SMYD3: variants seen among roughly 807,000 people sequenced by gnomAD.
The protein encoded by SMYD3 is SET and MYND domain containing 3, also known as histone-lysine N-methyltransferase SMYD3.
SMYD3 carries 36 observed loss-of-function variants against 57.7 expected under a neutral mutation model. The ratio of observed to expected loss-of-function variants is 0.62; its 90% CI spans 0.48 to 0.82. The LOEUF (loss-of-function observed/expected upper bound fraction) is 0.82. SMYD3 is among the 40% of genes least tolerant of loss of function. The probability of loss-of-function intolerance (pLI) is 0.00; values close to 1 mark genes in which losing one functional copy is unlikely to be tolerated. For missense variants in SMYD3, 515 were observed against 538.8 expected (o/e 0.96, Z 0.44); for synonymous variants, 211 against 195.0 (o/e 1.08, Z -0.68).
chr1:246,237,366 T>A (rs1428495041), intron 5 of SMYD3, among the ~76,000 whole-genome samples: 1 of 152,226 alleles, frequency 6.6e-6, no homozygotes, highest in African/African-American at 2.4e-5. Context: ...AAGATATTTT[T>A]ACTCACACTT....
intron 1 of SMYD3, among the ~76,000 whole-genome samples, chr1:246,367,700 G>C (rs2066129128): frequency 6.6e-6 from 1 of 152,102 alleles, no homozygotes; most frequent in African/African-American, 2.4e-5. Context: ...CCAAAGTGCT[G>C]AGATTACAGG....
intron 5 of SMYD3, among the ~76,000 whole-genome samples, chr1:246,308,016 C>T (rs1369554756): frequency 2.6e-5 from 4 of 152,182 alleles, no homozygotes; most frequent in East Asian, 3.9e-4. Context: ...CATTAAAGGC[C>T]AAATCAAATG....
At chr1:246,020,965 G>A (rs1558157272) in intron 5 of SMYD3, among the ~76,000 whole-genome samples, 2 of 152,114 alleles carry the variant, frequency 1.3e-5, no homozygotes, top group Non-Finnish European at 2.9e-5. Context: ...TGTTCATACA[G>A]CTCCCAGAAC....
intron 5 of SMYD3, among the ~76,000 whole-genome samples, chr1:246,205,706 G>A (rs2062989169): frequency 6.6e-6 from 1 of 151,776 alleles, no homozygotes; most frequent in African/African-American, 2.4e-5. Flanking sequence ...TGTAGTCCCA[G>A]CTACTCGGGA....
intron 1 of SMYD3, among the ~76,000 whole-genome samples, chr1:246,386,754 T>A (rs1022642955): frequency 6.6e-6 from 1 of 151,986 alleles, no homozygotes; most frequent in African/African-American, 2.4e-5. Flanking sequence ...ATAGACAATA[T>A]GACAATGAGA....
chr1:246,208,894 A>G (rs1431080252), intron 5 of SMYD3, among the ~76,000 whole-genome samples: 1 of 152,194 alleles, frequency 6.6e-6, no homozygotes. Flanking sequence ...CCACTCAAGC[A>G]TAATTCATTT....
At chr1:246,106,737 A>G (rs567966632) in intron 5 of SMYD3, among the ~76,000 whole-genome samples, 312 of 152,198 alleles carry the variant, frequency 2.0e-3, no homozygotes, top group Non-Finnish European at 3.2e-3. Context: ...CCTCTTCATC[A>G]ATGTTATCAG....
At position 246,089,884 on chromosome 1, in the gene SMYD3, C is replaced by CT. The variant is rs5782382; in HGVS notation, c.532-159948dup. Among the ~76,000 whole-genome samples the CT allele has an allele frequency of 1.1e-3, 157 of 143,890 alleles. 1 individual carries two copies. The highest frequency in any genetic ancestry group is 4.1e-3 in the East Asian group (19 of 4,688). The allele number at this position is 143,890 out of a possible 152,430, so 94.4% of individuals were successfully genotyped here. The stretch of plus-strand genomic sequence containing the variant: ...ACCTATGTCTGAAATTGGTAGTTTG[C>CT]TTTTTTTTTTTTTTTCTGGGGGAGG... On this transcript the variant is annotated intron_variant, in intron 5 of 11. Coordinates refer to ENST00000490107, the MANE Select transcript of SMYD3 (RefSeq NM_001167740.2).
chr1:246,295,267 A>G (rs2064771284), intron 5 of SMYD3, among the ~76,000 whole-genome samples: 1 of 152,164 alleles, frequency 6.6e-6, no homozygotes, highest in African/African-American at 2.4e-5. Flanking sequence ...AGTATCTCTT[A>G]CAGATCCCAC....
At chr1:246,344,374 G>A (rs1273884989) in intron 2 of SMYD3, among the ~76,000 whole-genome samples, 2 of 152,144 alleles carry the variant, frequency 1.3e-5, no homozygotes, top group African/African-American at 4.8e-5. Context: ...TTTTCATCTG[G>A]CTTCATTCCC....
intron 1 of SMYD3, among the ~76,000 whole-genome samples, chr1:246,414,487 AG>A (rs1406405261): frequency 6.6e-6 from 1 of 152,190 alleles, no homozygotes; most frequent in Non-Finnish European, 1.5e-5. Context: ...AGTTTCCTAG[AG>A]GAAGAAACAA....
chr1:246,275,952 C>T (rs2064322939), intron 5 of SMYD3, among the ~76,000 whole-genome samples: 2 of 150,164 alleles, frequency 1.3e-5, no homozygotes, highest in South Asian at 2.2e-4. Context: ...TTTCACTAGT[C>T]GTATTAACAC....
At chr1:246,199,658 G>A (rs924817129) in intron 5 of SMYD3, among the ~76,000 whole-genome samples, 2 of 152,170 alleles carry the variant, frequency 1.3e-5, no homozygotes, top group African/African-American at 2.4e-5. Context: ...GAGCACACCT[G>A]ATTCGCTGGC....
intron 5 of SMYD3, among the ~76,000 whole-genome samples, chr1:246,114,666 C>G (rs1254889382): frequency 6.6e-6 from 1 of 152,142 alleles, no homozygotes; most frequent in Non-Finnish European, 1.5e-5. Context: ...AAGTTTCACT[C>G]TGTCGCCAGG....
Position 246,506,998 on chromosome 1 carries a change from TC to T in SMYD3, c.164+55del, listed in dbSNP as rs1226962976. The T allele has an allele frequency of 2.7e-4, 60 of 223,044 alleles. 2 individuals are homozygous for T. Among genetic ancestry groups the T allele is most frequent in the South Asian group, 1.4e-3 (14 of 9,950 alleles). The allele number at this position is 223,044 out of a possible 1,614,324, so 13.8% of individuals were successfully genotyped here. A position where few individuals can be genotyped will look rare whatever the true frequency, so the allele number is the denominator to read the frequency against. On this transcript the variant is annotated intron_variant, in intron 1 of 11. Coordinates refer to ENST00000490107, the MANE Select transcript of SMYD3 (RefSeq NM_001167740.2). ...CTGCCGGCCGCCCGACGCCCCCCCC[TC>T]CCCAGCACCCCACACAGCTCGCGAC...
intron 1 of SMYD3, among the ~76,000 whole-genome samples, chr1:246,368,747 CA>C (rs1205498020): frequency 6.6e-6 from 1 of 152,170 alleles, no homozygotes; most frequent in Non-Finnish European, 1.5e-5. Context: ...CAGCTAGAAT[CA>C]AAGCAGGCAG....
chr1:245,909,181 A>C (rs542309034), intron 8 of SMYD3, among the ~76,000 whole-genome samples: 1 of 152,324 alleles, frequency 6.6e-6, no homozygotes, highest in South Asian at 2.1e-4. Flanking sequence ...CAACAACTGT[A>C]TGCCAATAAA....
chr1:246,318,496 C>A (rs561917350), intron 5 of SMYD3, among the ~76,000 whole-genome samples: 1 of 152,274 alleles, frequency 6.6e-6, no homozygotes, highest in South Asian at 2.1e-4. Context: ...TAAAGACCTC[C>A]TGCATACAAT....
chr1:246,394,059 C>T (rs73132608), intron 1 of SMYD3, among the ~76,000 whole-genome samples: 7,550 of 152,168 alleles, frequency 0.05, 646 homozygotes, highest in African/African-American at 0.17. Flanking sequence ...TAAATTACTC[C>T]TCTCTGGTGT....
Sources: allele counts gnomAD v4.1 joint callset (sites outside exome capture counted in the v4.1 genomes callset), GRCh38; gene constraint gnomAD v4.1.1; transcripts MANE v1.5; gene names NCBI Gene and HGNC (gene_info 2026-07-23, HGNC 2026-07-21).